Variants in CDK5RAP1 observed in about 807,000 individuals in gnomAD.
CDK5RAP1 encodes mitochondrial tRNA methylthiotransferase CDK5RAP1.
CDK5RAP1 carries 62 observed loss-of-function variants against 64.5 expected under a neutral mutation model. That is an observed-to-expected ratio of 0.96 (90% CI 0.78 to 1.19). The LOEUF is 1.19. Among genes scored for constraint, CDK5RAP1 ranks in the 50% most tolerant of loss-of-function variants. The pLI, the probability that CDK5RAP1 is intolerant of heterozygous loss-of-function variation, is 0.00. For missense variants in CDK5RAP1, 657 were observed against 735.0 expected (o/e 0.89, Z 1.23); for synonymous variants, 250 against 261.9 (o/e 0.95, Z 0.44).
chr20:33,366,681 C>T (rs2146595372), intron 12 of CDK5RAP1, among the ~76,000 whole-genome samples, 178 bp downstream of exon 12: 1 of 152,068 alleles, frequency 6.6e-6, no homozygotes, highest in East Asian at 1.9e-4. Context: ...CTGAAAACTA[C>T]AAAAACTTTG....
chr20:33,366,030 GC>G (rs1318005329), intron 12 of CDK5RAP1, among the ~76,000 whole-genome samples: 1 of 152,156 alleles, frequency 6.6e-6, no homozygotes, highest in Non-Finnish European at 1.5e-5. Context: ...ATAAGAAAGA[GC>G]TTTGTGGTCG....
At chr20:33,380,669 G>A (rs1386832874) in intron 7 of CDK5RAP1, among the ~76,000 whole-genome samples, 3 of 152,038 alleles carry the variant, frequency 2.0e-5, no homozygotes, top group Non-Finnish European at 2.9e-5. Flanking sequence ...TAACAATCAC[G>A]TTTTTCTATT....
At chr20:33,392,035 A>C in intron 5 of CDK5RAP1, 107 bp downstream of exon 5, 4 of 715,156 alleles carry the variant, frequency 5.6e-6, no homozygotes, top group Non-Finnish European at 7.4e-6. Flanking sequence ...GGGATATATA[A>C]GATTTCTTCA....
At chr20:33,385,189 G>C (rs2146674607) in intron 7 of CDK5RAP1, among the ~76,000 whole-genome samples, 1 of 152,320 alleles carries the variant, frequency 6.6e-6, no homozygotes, top group East Asian at 1.9e-4. Flanking sequence ...CAACTAGTGA[G>C]CTGGCTCAGT....
intron 9 of CDK5RAP1, chr20:33,372,907 C>A: frequency 5.3e-5 from 17 of 322,674 alleles, no homozygotes; most frequent in Non-Finnish European, 6.0e-5. Flanking sequence ...TATTTAAGGA[C>A]ATAAACTTTT....
intron 2 of CDK5RAP1, 53 bp from the exon 3 acceptor site, chr20:33,395,169 G>T (rs1022107668): frequency 6.6e-6 from 7 of 1,057,278 alleles, no homozygotes; most frequent in Non-Finnish European, 1.0e-5. Context: ...AAGGGGTCTC[G>T]TGTCTCAAAA....
intron 5 of CDK5RAP1, 141 bp from the exon 6 acceptor site, chr20:33,387,674 A>C: frequency 1.5e-6 from 1 of 650,730 alleles, no homozygotes; most frequent in Non-Finnish European, 2.7e-6. Context: ...CATCCTTCAA[A>C]TTTAACCAAC....
chr20:33,390,852 A>G (rs1176691897), intron 5 of CDK5RAP1, among the ~76,000 whole-genome samples: 1 of 152,166 alleles, frequency 6.6e-6, no homozygotes, highest in Non-Finnish European at 1.5e-5. Flanking sequence ...CAATGGAGAT[A>G]GTCTGTTTTT....
intron 8 of CDK5RAP1, among the ~76,000 whole-genome samples, chr20:33,377,966 C>A (rs991348108): frequency 6.6e-6 from 1 of 152,174 alleles, no homozygotes; most frequent in Non-Finnish European, 1.5e-5. Flanking sequence ...AGCCATCACA[C>A]CCGGCCAAAG....
At chr20:33,382,736 G>A (rs144887186) in intron 7 of CDK5RAP1, among the ~76,000 whole-genome samples, 6 of 151,870 alleles carry the variant, frequency 4.0e-5, no homozygotes, top group African/African-American at 1.2e-4. Flanking sequence ...ATGGTGGTAC[G>A]TGCCTATAAT....
At chr20:33,364,156 C>T (rs1488381260) in intron 12 of CDK5RAP1, among the ~76,000 whole-genome samples, 1 of 149,512 alleles carries the variant, frequency 6.7e-6, no homozygotes, top group African/African-American at 2.5e-5. Context: ...ATCTTCTAGA[C>T]ATATATACTG....
intron 12 of CDK5RAP1, among the ~76,000 whole-genome samples, chr20:33,365,783 G>GGT (rs1383229060): frequency 2.0e-5 from 3 of 152,124 alleles, no homozygotes; most frequent in African/African-American, 7.2e-5. Context: ...CAAGGACAGT[G>GGT]GTGGCACTCT....
intron 5 of CDK5RAP1, among the ~76,000 whole-genome samples, chr20:33,389,232 C>T (rs1442293390): frequency 2.0e-5 from 3 of 150,694 alleles, no homozygotes; most frequent in African/African-American, 4.9e-5. Flanking sequence ...GCCTCTGCCC[C>T]GCTGCCCCCT....
Position 33,385,692 on chromosome 20 carries a change from A to C in CDK5RAP1, c.834T>G (p.Pro278=), listed in dbSNP as rs1435614054. Reference sequence around the variant, plus strand: ...TCACTTCCTCTAGAATGGAGGCAATAGGCCGACTCCTCTCCCTGCCCCGGG... The same window carrying C: ...TCACTTCCTCTAGAATGGAGGCAATCGGCCGACTCCTCTCCCTGCCCCGGG... ...PFTRGRERSR[P]IASILEEVKK... The change falls in exon 7 of 14, where the codon CCT becomes CCG. Residue 278 remains proline (P), a synonymous_variant. Coordinates refer to ENST00000346416, the MANE Select transcript of CDK5RAP1 (RefSeq NM_016408.4). 6.2e-7 allele frequency: 1 copy of C among 1,614,156 alleles called. No homozygotes were observed. The highest frequency in any genetic ancestry group is 1.3e-5 in the African/African-American group (1 of 75,064).
At chr20:33,374,796 C>T (rs1028051672) in intron 8 of CDK5RAP1, among the ~76,000 whole-genome samples, 1 of 151,712 alleles carries the variant, frequency 6.6e-6, no homozygotes. Context: ...TCAAGTGATC[C>T]GCCTGCCTCA....
At chr20:33,374,368 T>C (rs972988079) in intron 8 of CDK5RAP1, among the ~76,000 whole-genome samples, 156 bp from the exon 9 acceptor site, 14 of 152,196 alleles carry the variant, frequency 9.2e-5, no homozygotes, top group Non-Finnish European at 2.9e-5. Context: ...CCCTAACTTT[T>C]GTTCAAGCCC....
chr20:33,387,816 C>T (rs1419512776), intron 5 of CDK5RAP1, among the ~76,000 whole-genome samples: 1 of 152,088 alleles, frequency 6.6e-6, no homozygotes, highest in Non-Finnish European at 1.5e-5. Flanking sequence ...GCTGTAATCC[C>T]CACACTTTGG....
intron 1 of CDK5RAP1, among the ~76,000 whole-genome samples, chr20:33,400,780 A>G (rs1989335901): frequency 6.6e-6 from 1 of 151,860 alleles, no homozygotes; most frequent in African/African-American, 2.4e-5. Context: ...GCGTCACTGC[A>G]CTCCAGCCTG....
chr20:33,385,717 G>T lies in CDK5RAP1; in HGVS notation c.809C>A (p.Thr270Asn), dbSNP rs1349554487. The T allele has an allele frequency of 6.2e-7, 1 of 1,613,994 alleles. No individual in the cohort carries two copies. The highest frequency in any genetic ancestry group is 8.5e-7 in the Non-Finnish European group (1 of 1,179,960). Residue 270 changes from threonine to asparagine, a missense_variant, in exon 7 of 14, where the codon ACC becomes AAC. Physicochemically the swap from Thr to Asn is moderately conservative, Grantham distance 65 (BLOSUM62 0). Transcript: ENST00000346416. ...AGGCCGACTCCTCTCCCTGCCCCGG[G>T]TGAAAGGAACAATGCAGTAGCTACA... ...NMCSYCIVPF[T>N]RGRERSRPIA... is the part of the protein sequence containing the mutation.
Sources: allele counts gnomAD v4.1 joint callset (sites outside exome capture counted in the v4.1 genomes callset), GRCh38; gene constraint gnomAD v4.1.1; transcripts MANE v1.5; gene names NCBI Gene and HGNC (gene_info 2026-07-23, HGNC 2026-07-21).